The following NBEA variants were observed in gnomAD, a reference collection of about 807,000 sequenced individuals.
The protein encoded by NBEA is neurobeachin, also known as lysosomal-trafficking regulator 2.
Under a neutral mutation model 343.4 loss-of-function variants are expected in NBEA, and 44 were observed. The observed-to-expected ratio is 0.13, with a 90% confidence interval of 0.10 to 0.16. The LOEUF (loss-of-function observed/expected upper bound fraction) is 0.16, where lower values mean the gene tolerates loss of function less well. Ranked by LOEUF, NBEA falls within the 10% of genes least tolerant of loss-of-function variation. The pLI is 1.00. For missense variants in NBEA, 2,555 were observed against 3,631.3 expected (o/e 0.70, Z 7.62); for synonymous variants, 1,175 against 1,238.7 (o/e 0.95, Z 1.08).
At chr13:35,003,696 T>C (rs1307558362) in intron 1 of NBEA, among the ~76,000 whole-genome samples, 1 of 152,198 alleles carries the variant, frequency 6.6e-6, no homozygotes, top group Non-Finnish European at 1.5e-5. Flanking sequence ...TCTGAATTTG[T>C]CATCCATATA....
intron 1 of NBEA, among the ~76,000 whole-genome samples, chr13:34,948,839 G>C (rs2059266131): frequency 6.6e-6 from 1 of 152,152 alleles, no homozygotes; most frequent in Non-Finnish European, 1.5e-5. Context: ...TCTTTTAAGA[G>C]AGCAGTTAAC....
At chr13:35,343,099 A>G (rs2039677463) in intron 36 of NBEA, among the ~76,000 whole-genome samples, 1 of 152,134 alleles carries the variant, frequency 6.6e-6, no homozygotes, top group Non-Finnish European at 1.5e-5. Flanking sequence ...CTAAGCTGAC[A>G]TAGCTATATT....
At chr13:35,410,132 T>G (rs2043497236) in intron 38 of NBEA, among the ~76,000 whole-genome samples, 1 of 152,074 alleles carries the variant, frequency 6.6e-6, no homozygotes, top group Non-Finnish European at 1.5e-5. Context: ...TGGAAATAAA[T>G]GGGGATATAA....
rs1339704949 is a variant in NBEA at position 35,606,578 on chromosome 13, G to A, written c.7449G>A (p.Met2483Ile). ...AAGACTTTGTGCGGATCAACAGGAT[G>A]GTAAGAGAGATTTTGCTTTTGCTTG... Reference protein sequence around the residue: ...KPEDFVRINRMALESEFVSCQ... With the variant: ...KPEDFVRINRIALESEFVSCQ... The change falls in exon 48 of 59, where the codon ATG becomes ATA. Residue 2483 changes from methionine to isoleucine, a missense_variant and splice_region_variant. Physicochemically the swap from Met to Ile is conservative, Grantham distance 10. Around this residue, in one of 21 missense-constraint regions of NBEA, gnomAD observed 156 missense variants for 185.8 expected, o/e 0.84. Coordinates refer to ENST00000379939, the MANE Select transcript of NBEA (RefSeq NM_001385012.1). 2.5e-6 allele frequency: 4 copies of A among 1,595,818 alleles called. No homozygotes were observed. The highest frequency in any genetic ancestry group is 1.7e-5 in the Admixed American group (1 of 58,910).
intron 30 of NBEA, among the ~76,000 whole-genome samples, chr13:35,189,716 A>G (rs995775956): frequency 2.0e-5 from 3 of 152,102 alleles, no homozygotes; most frequent in Non-Finnish European, 4.4e-5. Context: ...GAGCAAAGTA[A>G]GAACCTCCAA....
At chr13:35,649,921 A>AT in intron 52 of NBEA, 74 bp downstream of exon 52, 10 of 1,221,258 alleles carry the variant, frequency 8.2e-6, no homozygotes, top group Non-Finnish European at 7.6e-6. Context: ...GTGTACTGGG[A>AT]CTGGGATTAG....
In NBEA at chr13:34,942,705, C is replaced by A; in HGVS notation, c.-116C>A. ...GCGGGGAGCGGGCCCGGCGCCGCGG[C>A]GCTGGTGGATGCTGGGGCTCCGAGG... On this transcript the variant is annotated 5_prime_UTR_variant, in exon 1 of 59. Transcript: ENST00000379939. 1 of 773,126 alleles carries A rather than the reference C, an allele frequency of 1.3e-6. No individual in the cohort carries two copies. The highest frequency in any genetic ancestry group is 1.7e-6 in the Non-Finnish European group (1 of 572,668). 47.9% of individuals were successfully genotyped at this position (773,126 alleles called of 1,614,324 possible).
chr13:35,468,988 A>C (rs1205734486), intron 40 of NBEA, among the ~76,000 whole-genome samples: 2 of 150,658 alleles, frequency 1.3e-5, no homozygotes, highest in Non-Finnish European at 2.9e-5. Flanking sequence ...ACTCCCAGCT[A>C]CTCAGGAGGC....
intron 48 of NBEA, among the ~76,000 whole-genome samples, chr13:35,611,729 C>T (rs7987175): frequency 0.22 from 34,138 of 152,080 alleles, 4,029 homozygotes; most frequent in Non-Finnish European, 0.24. Flanking sequence ...CATGTTGTAG[C>T]ATGTATTGGT....
At chr13:35,011,735 T>C (rs2061499196) in intron 1 of NBEA, among the ~76,000 whole-genome samples, 1 of 152,106 alleles carries the variant, frequency 6.6e-6, no homozygotes, top group African/African-American at 2.4e-5. Context: ...GGAAGCTAAG[T>C]TTAGGTATGT....
At chr13:34,946,870 A>G (rs952040567) in intron 1 of NBEA, among the ~76,000 whole-genome samples, 2 of 150,420 alleles carry the variant, frequency 1.3e-5, no homozygotes, top group Non-Finnish European at 1.5e-5. Context: ...TTGTACTTGA[A>G]TATGGCAGTA....
At chr13:34,950,628 T>G (rs541456993) in intron 1 of NBEA, among the ~76,000 whole-genome samples, 299 of 151,782 alleles carry the variant, frequency 2.0e-3, no homozygotes, top group Non-Finnish European at 3.7e-3. Flanking sequence ...TTTAAATACT[T>G]TAGGTATTAA....
At chr13:35,056,793 T>G (rs144814223) in intron 7 of NBEA, among the ~76,000 whole-genome samples, 2 of 152,296 alleles carry the variant, frequency 1.3e-5, no homozygotes, top group East Asian at 3.9e-4. Flanking sequence ...TTTCGCATCT[T>G]ACTCAGCTTA....
chr13:35,102,950 C>T (rs1203869630), intron 11 of NBEA, among the ~76,000 whole-genome samples: 1 of 151,662 alleles, frequency 6.6e-6, no homozygotes, highest in Non-Finnish European at 1.5e-5. Context: ...TGTCTTATTC[C>T]TGATCTCATG....
intron 24 of NBEA, chr13:35,165,188 G>A: frequency 2.0e-6 from 1 of 511,918 alleles, no homozygotes; most frequent in South Asian, 1.5e-5. Context: ...TGCTTTAGTT[G>A]GTGAGACACT....
At chr13:35,593,582 C>A in intron 47 of NBEA, 135 bp downstream of exon 47, 4 of 524,270 alleles carry the variant, frequency 7.6e-6, no homozygotes, top group South Asian at 4.4e-5. Context: ...GTACATCTAA[C>A]CTTATAGGAA....
chr13:35,555,312 T>G (rs2079526915), intron 44 of NBEA, among the ~76,000 whole-genome samples: 1 of 152,192 alleles, frequency 6.6e-6, no homozygotes, highest in Admixed American at 6.5e-5. Context: ...TTCCTTGCTT[T>G]CCTTCTGCCA....
chr13:35,212,422 G>A (rs1056712220), intron 33 of NBEA, among the ~76,000 whole-genome samples: 1 of 151,744 alleles, frequency 6.6e-6, no homozygotes, highest in African/African-American at 2.4e-5. Flanking sequence ...TGGGCATTTG[G>A]AATTTTCCAT....
intron 30 of NBEA, chr13:35,185,640 A>G (rs1388980281): frequency 2.0e-5 from 3 of 152,188 alleles, no homozygotes; most frequent in South Asian, 4.1e-4. Flanking sequence ...TAAGGAGCCT[A>G]TATCAGAATA....
Sources: gnomAD v4.1 joint callset for allele counts (sites outside exome capture counted in the v4.1 genomes callset) on GRCh38, gnomAD v4.1.1 for gene constraint, gnomAD v4.1.1 regional missense constraint, MANE v1.5 for transcripts, NCBI Gene and HGNC (gene_info 2026-07-23, HGNC 2026-07-21) for gene names.